PPP1CB: variants seen among roughly 807,000 people sequenced by gnomAD.
PPP1CB encodes the protein protein phosphatase 1 catalytic subunit beta.
In PPP1CB, 2 loss-of-function variants were observed where a neutral mutation model predicts 43.7. The ratio of observed to expected loss-of-function variants is 0.05; its 90% confidence interval spans 0.02 to 0.14. The LOEUF (loss-of-function observed/expected upper bound fraction) is 0.14, where lower values mean the gene tolerates loss of function less well. PPP1CB is among the 10% of genes least tolerant of loss of function. PPP1CB has a pLI of 1.00. For missense variants in PPP1CB, 84 were observed against 398.0 expected (o/e 0.21, Z 6.71); for synonymous variants, 136 against 135.6 (o/e 1.00, Z -0.02).
intron 5 of PPP1CB, among the ~76,000 whole-genome samples, chr2:28,786,197 T>C (rs1667262703): frequency 6.6e-6 from 1 of 152,074 alleles, no homozygotes; most frequent in Non-Finnish European, 1.5e-5. Context: ...CACTGCAACC[T>C]CCACCTCCCA....
At chr2:28,776,237 TTTG>T (rs200694425) in intron 1 of PPP1CB, among the ~76,000 whole-genome samples, 2,109 of 151,656 alleles carry the variant, frequency 0.014, 45 homozygotes, top group African/African-American at 0.047. Context: ...GTGTGTTTTT[TTTG>T]TTGTTGTTTT....
chr2:28,775,222 A>G (rs980663031), intron 1 of PPP1CB, among the ~76,000 whole-genome samples: 3 of 152,132 alleles, frequency 2.0e-5, no homozygotes, highest in Admixed American at 2.0e-4. Context: ...TTCCACCTCA[A>G]CCTCTGCCTT....
chr2:28,763,234 A>G (rs189677491), intron 1 of PPP1CB, among the ~76,000 whole-genome samples: 1 of 152,326 alleles, frequency 6.6e-6, no homozygotes, highest in African/African-American at 2.4e-5. Context: ...GATGTATTCA[A>G]AGATTGAAGT....
At chr2:28,759,174 CTT>C (rs1283548782) in intron 1 of PPP1CB, among the ~76,000 whole-genome samples, 2 of 152,172 alleles carry the variant, frequency 1.3e-5, no homozygotes, top group Admixed American at 6.5e-5. Context: ...ATGCATTACT[CTT>C]GTTTGTGGTA....
intron 7 of PPP1CB, 115 bp from the exon 8 acceptor site, chr2:28,799,084 A>G (rs897451565): frequency 7.3e-6 from 5 of 680,496 alleles, no homozygotes; most frequent in Non-Finnish European, 1.0e-5. Flanking sequence ...TTGCTATTCT[A>G]CATTTTTATT....
chr2:28,788,850 C>G (rs776201575), intron 6 of PPP1CB, 41 bp downstream of exon 6: 4 of 1,533,694 alleles, frequency 2.6e-6, no homozygotes, highest in Non-Finnish European at 2.6e-6. Context: ...TTTTTTCTTT[C>G]TTTTTTTTGG....
At chr2:28,777,614 A>G (rs1412083869) in intron 2 of PPP1CB, among the ~76,000 whole-genome samples, 1 of 152,188 alleles carries the variant, frequency 6.6e-6, no homozygotes. Context: ...CCCAGCAAAT[A>G]AGAGATACTC....
At chr2:28,793,334 A>G (rs950036582) in intron 6 of PPP1CB, among the ~76,000 whole-genome samples, 1 of 152,238 alleles carries the variant, frequency 6.6e-6, no homozygotes, top group Non-Finnish European at 1.5e-5. Context: ...GTGTGTAGCC[A>G]TGTAATAATA....
intron 6 of PPP1CB, 116 bp from the exon 7 acceptor site, chr2:28,793,747 A>G: frequency 9.3e-7 from 1 of 1,073,556 alleles, no homozygotes; most frequent in Non-Finnish European, 1.3e-6. Flanking sequence ...AAAACAAAAC[A>G]GGGTGGTTTG....
chr2:28,772,706 G>A (rs1666939991), intron 1 of PPP1CB, among the ~76,000 whole-genome samples: 1 of 152,094 alleles, frequency 6.6e-6, no homozygotes, highest in Non-Finnish European at 1.5e-5. Flanking sequence ...CCAAGTGTTT[G>A]GAATTTGGAT....
chr2:28,799,786 GA>G lies in PPP1CB; in HGVS notation c.*484del, dbSNP rs1667570926. On this transcript the variant is annotated 3_prime_UTR_variant, in exon 8 of 8. Coordinates refer to ENST00000395366, the MANE Select transcript of PPP1CB (RefSeq NM_002709.3). Reference sequence around the variant, plus strand: ...AGTGAAATATGGGAAGAGCTTTACAGACATTCACCAACTATTATTTTCCCTT... The same window carrying G: ...AGTGAAATATGGGAAGAGCTTTACAGCATTCACCAACTATTATTTTCCCTT... The G allele has an allele frequency of 6.6e-6, 1 of 152,588 alleles. No homozygotes were observed. Among genetic ancestry groups the G allele is most frequent in the Non-Finnish European group, 1.5e-5 (1 of 68,040 alleles). 9.5% of individuals were successfully genotyped at this position (152,588 alleles called of 1,614,324 possible).
chr2:28,755,875 T>C (rs13400839), intron 1 of PPP1CB, among the ~76,000 whole-genome samples: 6,377 of 152,296 alleles, frequency 0.042, 484 homozygotes, highest in African/African-American at 0.15. Context: ...ATGTCTATTA[T>C]GTGTCATATA....
intron 2 of PPP1CB, among the ~76,000 whole-genome samples, chr2:28,777,540 A>G (rs574827883): frequency 4.6e-5 from 7 of 152,326 alleles, no homozygotes; most frequent in Admixed American, 1.3e-4. Context: ...TGAAGATTAT[A>G]CTACTTTATA....
At chr2:28,764,111 G>C (rs892476724) in intron 1 of PPP1CB, among the ~76,000 whole-genome samples, 4 of 151,934 alleles carry the variant, frequency 2.6e-5, no homozygotes, top group African/African-American at 9.7e-5. Flanking sequence ...AGAAAGATGG[G>C]GAGGAAAGGA....
intron 7 of PPP1CB, among the ~76,000 whole-genome samples, chr2:28,797,172 T>C (rs1667513332): frequency 6.6e-6 from 1 of 152,090 alleles, no homozygotes. Flanking sequence ...GATTCGGTTT[T>C]AGTATTTTGT....
At chr2:28,780,427 G>A (rs1667134505) in intron 3 of PPP1CB, among the ~76,000 whole-genome samples, 1 of 152,064 alleles carries the variant, frequency 6.6e-6, no homozygotes, top group Non-Finnish European at 1.5e-5. Flanking sequence ...TTCTGTATTT[G>A]ATTTTGTATT....
intron 6 of PPP1CB, among the ~76,000 whole-genome samples, chr2:28,790,472 T>C (rs1427156293): frequency 6.6e-6 from 1 of 152,054 alleles, no homozygotes; most frequent in Non-Finnish European, 1.5e-5. Flanking sequence ...CCCGAGTAGC[T>C]GGGACTACAG....
intron 1 of PPP1CB, among the ~76,000 whole-genome samples, chr2:28,761,925 C>T (rs907165124): frequency 5.3e-5 from 8 of 152,220 alleles, no homozygotes; most frequent in African/African-American, 1.4e-4. Flanking sequence ...GAATTGAAAA[C>T]GAGCTTTTAT....
intron 1 of PPP1CB, among the ~76,000 whole-genome samples, chr2:28,774,181 C>T (rs981697794): frequency 6.6e-6 from 1 of 152,192 alleles, no homozygotes; most frequent in African/African-American, 2.4e-5. Context: ...AAAATATTCA[C>T]CACTGTCATT....
Sources: gnomAD v4.1 joint callset for allele counts (sites outside exome capture counted in the v4.1 genomes callset) on GRCh38, gnomAD v4.1.1 for gene constraint, MANE v1.5 for transcripts, NCBI Gene and HGNC (gene_info 2026-07-23, HGNC 2026-07-21) for gene names.